The following GATA6 variants were observed in gnomAD, a reference collection of about 807,000 sequenced individuals.
GATA6 encodes GATA binding protein 6, also known as transcription factor GATA-6.
In GATA6, 11 loss-of-function variants were observed where a neutral mutation model predicts 48.1. The ratio of observed to expected loss-of-function variants is 0.23; its 90% CI spans 0.14 to 0.38. The LOEUF (loss-of-function observed/expected upper bound fraction) is 0.38, where lower values mean the gene tolerates loss of function less well. GATA6 is among the 10% of genes least tolerant of loss of function. GATA6 has a pLI of 1.00. For missense variants in GATA6, 795 were observed against 850.3 expected (o/e 0.93, Z 0.81); for synonymous variants, 419 against 396.1 (o/e 1.06, Z -0.69).
In GATA6 at chr18:22,172,285, G is replaced by A. The variant is rs1181988327; in HGVS notation, c.1135+6G>A. The A allele has an allele frequency of 3.3e-6, 5 of 1,531,558 alleles. No homozygotes were observed. The highest frequency in any genetic ancestry group is 4.4e-6 in the Non-Finnish European group (5 of 1,145,152). 94.9% of individuals were successfully genotyped at this position (1,531,558 alleles called of 1,614,324 possible). A position where few individuals can be genotyped will look rare whatever the true frequency, so the allele number is the denominator to read the frequency against. Reference sequence around the variant, plus strand: ...GCCCCGGGGTCCCAGTGCAGGTAAGGGTCGCGCCTCAGGTTCGGGGTGCGG... The same window carrying A: ...GCCCCGGGGTCCCAGTGCAGGTAAGAGTCGCGCCTCAGGTTCGGGGTGCGG... On this transcript the variant is annotated splice_donor_region_variant and intron_variant, in intron 2 of 6. Coordinates refer to ENST00000269216, the MANE Select transcript of GATA6 (RefSeq NM_005257.6). This position sits in a 1 kb window ranked among gnomAD's most constrained non-coding sequence, Gnocchi z 5.2.
rs2033061435 is a variant in GATA6 at position 22,172,145 on chromosome 18, C to T, written c.1001C>T (p.Pro334Leu). ...HHHHHHHHHH[P>L]SPYSPYVGAP... ...CACCACCACCACCACCACCACCATC[C>T]GAGCCCCTACTCGCCCTACGTGGGG... The change falls in exon 2 of 7, where the codon CCG becomes CTG. Residue 334 changes from proline (P) to leucine (L), a missense_variant. This residue lies in a region of GATA6 where 591 missense variants were observed against 570.0 expected (regional missense o/e 1.04). Transcript: ENST00000269216. The surrounding 1 kb of genome is among the most constrained non-coding windows in gnomAD (Gnocchi z 5.2). 2.0e-6 allele frequency: 3 copies of T among 1,530,266 alleles called. No individual in the cohort carries two copies. The highest frequency in any genetic ancestry group is 1.2e-5 in the South Asian group (1 of 83,368). 94.8% of individuals were successfully genotyped at this position (1,530,266 alleles called of 1,614,324 possible).
In GATA6 at chr18:22,172,148, G is replaced by C. The variant is rs2033061483; in HGVS notation, c.1004G>C (p.Ser335Thr). ...HHHHHHHHHP[S>T]PYSPYVGAPL... is the part of the protein sequence containing the mutation. ...CACCACCACCACCACCACCATCCGA[G>C]CCCCTACTCGCCCTACGTGGGGGCG... Residue 335 changes from serine to threonine, a missense_variant, in exon 2 of 7, where the codon AGC (serine) becomes ACC (threonine). Coordinates refer to ENST00000269216, the MANE Select transcript of GATA6 (RefSeq NM_005257.6). This position sits in a 1 kb window ranked among gnomAD's most constrained non-coding sequence, Gnocchi z 5.2. 4.0e-6 allele frequency: 6 copies of C among 1,503,852 alleles called. No individual in the cohort carries two copies. The highest frequency in any genetic ancestry group is 1.4e-5 in the African/African-American group (1 of 71,506). 93.2% of individuals were successfully genotyped at this position (1,503,852 alleles called of 1,614,324 possible).
chr18:22,188,834 T>C (rs948081735), intron 6 of GATA6, among the ~76,000 whole-genome samples: 59 of 152,250 alleles, frequency 3.9e-4, no homozygotes, highest in African/African-American at 1.3e-3. Flanking sequence ...GTACTGTAAT[T>C]TCTCTGCCTC....
At chr18:22,193,879 C>G (rs544371873) in intron 6 of GATA6, among the ~76,000 whole-genome samples, 32 of 152,222 alleles carry the variant, frequency 2.1e-4, no homozygotes, top group Non-Finnish European at 3.7e-4. Context: ...AAGGCTACGC[C>G]CTTTCAGGGT....
intron 6 of GATA6, among the ~76,000 whole-genome samples, chr18:22,194,198 G>A (rs1376475526): frequency 2.6e-5 from 4 of 152,204 alleles, no homozygotes; most frequent in Non-Finnish European, 5.9e-5. Flanking sequence ...CCTTTAAGAG[G>A]GAGTTTTCCA....
chr18:22,172,141 C>G lies in GATA6; in HGVS notation c.997C>G (p.His333Asp). The G allele has an allele frequency of 6.5e-7, 1 of 1,528,906 alleles. No homozygotes were observed. Among genetic ancestry groups the G allele is most frequent in the Non-Finnish European group, 8.7e-7 (1 of 1,143,762 alleles). 94.7% of individuals were successfully genotyped at this position (1,528,906 alleles called of 1,614,324 possible). A position where few individuals can be genotyped will look rare whatever the true frequency, so the allele number is the denominator to read the frequency against. ...YHHHHHHHHH[H>D]PSPYSPYVGA... ...CCACCACCACCACCACCACCACCAC[C>G]ATCCGAGCCCCTACTCGCCCTACGT... The change falls in exon 2 of 7, where the codon CAT (histidine) becomes GAT (aspartate). Residue 333 changes from histidine to aspartate, a missense_variant. His to Asp is a moderately conservative substitution (Grantham distance 81). Transcript: ENST00000269216. This position sits in a 1 kb window ranked among gnomAD's most constrained non-coding sequence, Gnocchi z 5.2.
Position 22,171,567 on chromosome 18 carries a change from C to T in GATA6, c.423C>T (p.Pro141=), listed in dbSNP as rs766213257. ...SRGAKLSPFA[P]EQPEEMYQTL... is the part of the protein sequence containing the mutation. ...GCGCCAAGCTGAGCCCCTTCGCACC[C>T]GAGCAGCCGGAGGAGATGTACCAGA... The change falls in exon 2 of 7, where the codon CCC becomes CCT. Residue 141 remains proline, a synonymous_variant. Coordinates refer to ENST00000269216, the MANE Select transcript of GATA6 (RefSeq NM_005257.6). The surrounding 1 kb of genome is among the most constrained non-coding windows in gnomAD (Gnocchi z 7.1). 4.4e-6 allele frequency: 7 copies of T among 1,602,940 alleles called. No homozygotes were observed. Among genetic ancestry groups the T allele is most frequent in the Non-Finnish European group, 5.9e-6 (7 of 1,179,378 alleles).
intron 2 of GATA6, 121 bp from the exon 3 acceptor site, chr18:22,176,834 C>A: frequency 8.4e-7 from 1 of 1,188,102 alleles, no homozygotes; most frequent in Non-Finnish European, 1.1e-6. Context: ...AAAGCTCAGC[C>A]GGGAAGGGCA....
At chr18:22,195,441 A>G (rs1422363407) in intron 6 of GATA6, among the ~76,000 whole-genome samples, 1 of 152,120 alleles carries the variant, frequency 6.6e-6, no homozygotes, top group Non-Finnish European at 1.5e-5. Flanking sequence ...CATGTCTTCT[A>G]TTCATCCCCA....
chr18:22,191,025 T>TA (rs1327592290), intron 6 of GATA6, among the ~76,000 whole-genome samples: 3 of 133,322 alleles, frequency 2.3e-5, no homozygotes, highest in East Asian at 2.1e-4. Context: ...TTTTTTTTTT[T>TA]AAATCTCGTG....
At chr18:22,196,240 G>A (rs1197482761) in intron 6 of GATA6, among the ~76,000 whole-genome samples, 1 of 152,120 alleles carries the variant, frequency 6.6e-6, no homozygotes, top group Non-Finnish European at 1.5e-5. Flanking sequence ...AATTGCAAAT[G>A]AGCAGATTTA....
chr18:22,181,723 C>A, intron 4 of GATA6, 145 bp downstream of exon 4: 1 of 821,624 alleles, frequency 1.2e-6, no homozygotes, highest in Non-Finnish European at 2.0e-6. Context: ...TTAATATATT[C>A]AGTGTACATA....
At chr18:22,187,221 C>G (rs185033369) in intron 6 of GATA6, among the ~76,000 whole-genome samples, 4 of 152,298 alleles carry the variant, frequency 2.6e-5, no homozygotes, top group African/African-American at 9.6e-5. Flanking sequence ...TGGCTCACCC[C>G]TTTAATCCCA....
chr18:22,174,531 A>AT (rs938505207), intron 2 of GATA6, among the ~76,000 whole-genome samples: 8 of 152,102 alleles, frequency 5.3e-5, no homozygotes, highest in African/African-American at 1.2e-4. Flanking sequence ...TTTTTTAAGT[A>AT]TTTTTTTAAG....
chr18:22,172,303 G>C lies in GATA6; in HGVS notation c.1135+24G>C. ...AGGTAAGGGTCGCGCCTCAGGTTCGGGGTGCGGGTCCAAAGCGCTGGGGCG... is the reference window on the plus strand; with the variant it reads ...AGGTAAGGGTCGCGCCTCAGGTTCGCGGTGCGGGTCCAAAGCGCTGGGGCG... On this transcript the variant is annotated intron_variant, in intron 2 of 6. Transcript: ENST00000269216. This position sits in a 1 kb window ranked among gnomAD's most constrained non-coding sequence, Gnocchi z 5.2. 6.5e-7 allele frequency: 1 copy of C among 1,529,916 alleles called. No homozygotes were observed. The highest frequency in any genetic ancestry group is 1.4e-5 in the African/African-American group (1 of 72,924). The allele number at this position is 1,529,916 out of a possible 1,614,324, so 94.8% of individuals were successfully genotyped here.
chr18:22,182,771 T>G lies in GATA6; in HGVS notation c.1443T>G (p.Leu481=). 6.2e-7 allele frequency: 1 copy of G among 1,613,932 alleles called. No homozygotes were observed. Among genetic ancestry groups the G allele is most frequent in the Non-Finnish European group, 8.5e-7 (1 of 1,179,886 alleles). Residue 481 remains leucine, a synonymous_variant, in exon 5 of 7, where the codon CTT becomes CTG. Transcript: ENST00000269216. ...AAATTTTTTAGGTGCCCAGACCACT[T>G]GCTATGAAAAAAGAGGGAATTCAAA... The part of the protein sequence containing the change: ...YMKLHGVPRP[L]AMKKEGIQTR...
In GATA6 at chr18:22,200,829, C is replaced by T; in HGVS notation, c.*6C>T. ...GCGCCCTGGCCCTGGCCTGAGCCCA[C>T]GCCGCCAGGAGGCAGGGAGGGCTCC... On this transcript the variant is annotated 3_prime_UTR_variant, in exon 7 of 7. Transcript: ENST00000269216. The T allele has an allele frequency of 3.1e-6, 5 of 1,605,660 alleles. No individual in the cohort carries two copies. The highest frequency in any genetic ancestry group is 4.3e-6 in the Non-Finnish European group (5 of 1,176,020).
At chr18:22,186,158 G>A (rs539012875) in intron 6 of GATA6, among the ~76,000 whole-genome samples, 7 of 152,100 alleles carry the variant, frequency 4.6e-5, no homozygotes, top group African/African-American at 7.2e-5. Flanking sequence ...AAGGTAATGC[G>A]TCCACCCCAC....
intron 4 of GATA6, 56 bp downstream of exon 4, chr18:22,181,634 A>G: frequency 3.8e-6 from 6 of 1,596,728 alleles, no homozygotes; most frequent in South Asian, 3.3e-5. Flanking sequence ...TTTGTATGTG[A>G]TATCAGTTAC....
Sources: gnomAD v4.1 joint callset for allele counts (sites outside exome capture counted in the v4.1 genomes callset) on GRCh38, gnomAD v4.1.1 for gene constraint, gnomAD v4.1.1 regional missense constraint, Gnocchi (gnomAD v3.1) non-coding constraint, MANE v1.5 for transcripts, NCBI Gene and HGNC (gene_info 2026-07-23, HGNC 2026-07-21) for gene names.